TMEM132B: variants seen among roughly 807,000 people sequenced by gnomAD.
The protein encoded by TMEM132B is transmembrane protein 132B.
TMEM132B carries 18 observed loss-of-function variants against 90.8 expected under a neutral mutation model. That is an observed-to-expected ratio of 0.20 (90% CI 0.14 to 0.29). The LOEUF (loss-of-function observed/expected upper bound fraction) is 0.29. Ranked by LOEUF, TMEM132B falls within the 10% of genes least tolerant of loss-of-function variation. TMEM132B has a pLI of 1.00. For missense variants in TMEM132B, 1,096 were observed against 1,326.8 expected (o/e 0.83, Z 2.70); for synonymous variants, 504 against 523.3 (o/e 0.96, Z 0.50).
chr12:125,569,458 T>C (rs1237927609), intron 4 of TMEM132B, among the ~76,000 whole-genome samples: 1 of 152,168 alleles, frequency 6.6e-6, no homozygotes, highest in East Asian at 1.9e-4. Flanking sequence ...TAAGATCTGG[T>C]GTCCATCCGC....
At chr12:125,253,522 C>G (rs577103699) in intron 1 of TMEM132B, among the ~76,000 whole-genome samples, 1 of 151,036 alleles carries the variant, frequency 6.6e-6, no homozygotes, top group African/African-American at 2.4e-5. Flanking sequence ...GCCACCTCAA[C>G]CTCCCAGGCT....
At position 125,266,241 on chromosome 12, in the gene TMEM132B, A is replaced by G. The variant is rs115473087; in HGVS notation, c.67+79375A>G. On this transcript the variant is annotated intron_variant, in intron 1 of 8. Transcript: ENST00000682704. ...GAGACCCTAAAAAGAAAAACCCAAA[A>G]TTAAAAAATTAAACCCCAGACAAAG... 5.4e-3 allele frequency among the ~76,000 whole-genome samples: 828 copies of G among 152,290 alleles called. 7 individuals are homozygous for G. The highest frequency in any genetic ancestry group is 0.018 in the African/African-American group (768 of 41,554).
At chr12:125,577,617 T>C (rs1198195315) in intron 4 of TMEM132B, among the ~76,000 whole-genome samples, 3 of 151,180 alleles carry the variant, frequency 2.0e-5, no homozygotes, top group Non-Finnish European at 4.4e-5. Context: ...TTTTCTACTC[T>C]ATTATTATTG....
At position 125,253,425 on chromosome 12, in the gene TMEM132B, T is replaced by C. The variant is rs1400737421; in HGVS notation, c.67+66559T>C. 1.6e-4 allele frequency among the ~76,000 whole-genome samples: 24 copies of C among 149,226 alleles called. 1 individual carries two copies. The highest frequency in any genetic ancestry group is 1.1e-3 in the Admixed American group (17 of 14,916). On this transcript the variant is annotated intron_variant, in intron 1 of 8. Transcript: ENST00000682704. ...ACATCTCTTCATTTTCTTTTTTCTTTCCCCCCCACTTTTTTTTTTTTTTTT... is the reference window on the plus strand; with the variant it reads ...ACATCTCTTCATTTTCTTTTTTCTTCCCCCCCCACTTTTTTTTTTTTTTTT...
At chr12:125,573,059 A>G (rs1884841201) in intron 4 of TMEM132B, among the ~76,000 whole-genome samples, 1 of 151,916 alleles carries the variant, frequency 6.6e-6, no homozygotes, top group Non-Finnish European at 1.5e-5. Flanking sequence ...ATGTTCTTGT[A>G]CTTTCTTTGT....
At chr12:125,380,271 A>G (rs1409969747) in intron 2 of TMEM132B, among the ~76,000 whole-genome samples, 4 of 152,128 alleles carry the variant, frequency 2.6e-5, no homozygotes, top group Non-Finnish European at 5.9e-5. Context: ...ACATTAGTCC[A>G]GTCTCTGCCT....
At chr12:125,205,803 TAGC>T in intron 1 of TMEM132B, among the ~76,000 whole-genome samples, 1 of 152,208 alleles carries the variant, frequency 6.6e-6, no homozygotes. Flanking sequence ...TTTTACTCAT[TAGC>T]AGCCAGCCCA....
intron 4 of TMEM132B, among the ~76,000 whole-genome samples, chr12:125,542,336 T>G (rs1883979955): frequency 6.6e-6 from 1 of 152,202 alleles, no homozygotes; most frequent in Non-Finnish European, 1.5e-5. Context: ...GTTTTTACTG[T>G]GGTAAAATAT....
At chr12:125,304,334 C>G (rs1875903673) in intron 1 of TMEM132B, among the ~76,000 whole-genome samples, 1 of 152,102 alleles carries the variant, frequency 6.6e-6, no homozygotes, top group Non-Finnish European at 1.5e-5. Context: ...TTTGGGGACC[C>G]CTGCTTTAAT....
At chr12:125,364,519 T>C (rs1177132857) in intron 2 of TMEM132B, among the ~76,000 whole-genome samples, 2 of 152,152 alleles carry the variant, frequency 1.3e-5, no homozygotes, top group Non-Finnish European at 1.5e-5. Flanking sequence ...TAGCTTAGTA[T>C]GTACATTATT....
At chr12:125,355,799 T>G (rs1032561532) in intron 2 of TMEM132B, among the ~76,000 whole-genome samples, 3 of 152,180 alleles carry the variant, frequency 2.0e-5, no homozygotes, top group Non-Finnish European at 4.4e-5. Flanking sequence ...TGGAGACACA[T>G]GGAAAAGAAA....
chr12:125,195,009 T>C (rs1272638066), intron 1 of TMEM132B, among the ~76,000 whole-genome samples: 1 of 152,126 alleles, frequency 6.6e-6, no homozygotes, highest in Non-Finnish European at 1.5e-5. Flanking sequence ...TCTCAAGAAA[T>C]TGGGAATTCT....
At chr12:125,452,855 T>G (rs1881190636) in intron 3 of TMEM132B, among the ~76,000 whole-genome samples, 1 of 152,230 alleles carries the variant, frequency 6.6e-6, no homozygotes, top group Non-Finnish European at 1.5e-5. Context: ...TTACATATTT[T>G]GGATATTCAT....
intron 3 of TMEM132B, among the ~76,000 whole-genome samples, chr12:125,509,795 G>A (rs11610012): frequency 0.12 from 18,601 of 152,084 alleles, 1,686 homozygotes; most frequent in Admixed American, 0.29. Flanking sequence ...TGTTTGCCTC[G>A]GGAATCAGAG....
In TMEM132B at chr12:125,213,996, T is replaced by A. The variant is rs919499947; in HGVS notation, c.67+27130T>A. The stretch of plus-strand genomic sequence containing the variant: ...TAAGTTTGGGGGATAGAGAGAACAA[T>A]AGTACCCCTTCGTCAGTGAGCTCTC... On this transcript the variant is annotated intron_variant, in intron 1 of 8. Coordinates refer to ENST00000682704, the MANE Select transcript of TMEM132B (RefSeq NM_001366854.1). This position sits in a 1 kb window ranked among gnomAD's most constrained non-coding sequence, Gnocchi z 4.2. 6.6e-6 allele frequency among the ~76,000 whole-genome samples: 1 copy of A among 152,176 alleles called. No individual in the cohort carries two copies. Among genetic ancestry groups the A allele is most frequent in the African/African-American group, 2.4e-5 (1 of 41,450 alleles).
intron 5 of TMEM132B, among the ~76,000 whole-genome samples, chr12:125,619,757 G>A (rs1886077487): frequency 6.6e-6 from 1 of 152,148 alleles, no homozygotes; most frequent in Non-Finnish European, 1.5e-5. Context: ...CTGGACAGGG[G>A]GATCCATATC....
chr12:125,324,654 T>G (rs2136194151), intron 1 of TMEM132B, among the ~76,000 whole-genome samples: 1 of 152,296 alleles, frequency 6.6e-6, no homozygotes, highest in East Asian at 1.9e-4. Flanking sequence ...TATTGTGAAC[T>G]GTGCATGCGA....
chr12:125,256,343 G>A (rs947045417), intron 1 of TMEM132B, among the ~76,000 whole-genome samples: 1 of 152,246 alleles, frequency 6.6e-6, no homozygotes, highest in Non-Finnish European at 1.5e-5. Flanking sequence ...AGGAAGGTCA[G>A]TCATGGAGGG....
chr12:125,292,918 C>T (rs1875578620), intron 1 of TMEM132B, among the ~76,000 whole-genome samples: 3 of 152,218 alleles, frequency 2.0e-5, no homozygotes, highest in Admixed American at 2.0e-4. Flanking sequence ...ACCATGTGGG[C>T]TCAGAGTGGT....
Sources: allele counts gnomAD v4.1 joint callset (sites outside exome capture counted in the v4.1 genomes callset), GRCh38; gene constraint gnomAD v4.1.1; non-coding constraint Gnocchi (gnomAD v3.1); transcripts MANE v1.5; gene names NCBI Gene and HGNC (gene_info 2026-07-23, HGNC 2026-07-21).